The following KLC3 variants were observed in gnomAD, a reference collection of about 807,000 sequenced individuals.
KLC3 encodes the protein kinesin light chain 2.
KLC3 carries 72 observed loss-of-function variants against 62.9 expected under a neutral mutation model. That is an observed-to-expected ratio of 1.15 (90% CI 0.95 to 1.39). The LOEUF is 1.39. Among genes scored for constraint, KLC3 ranks in the 40% most tolerant of loss-of-function variants. The probability of loss-of-function intolerance (pLI) is 0.00; values close to 1 mark genes in which losing one functional copy is unlikely to be tolerated. For synonymous variants in KLC3, 377 were observed against 300.5 expected (o/e 1.25, Z -2.63); for missense variants, 848 against 691.6 (o/e 1.23, Z -2.54).
Position 45,341,776 on chromosome 19 carries a change from CGTGTGTGT to C in KLC3, c.-9+949_-9+956del, listed in dbSNP as rs3047585. The stretch of plus-strand genomic sequence containing the variant: ...GTGGAGGTGTGTGAAGCCGTGTGTG[CGTGTGTGT>C]GTGTGTGTGTGTGTGTGTAGAGAGG... On this transcript the variant is annotated intron_variant, in intron 1 of 12. Coordinates refer to ENST00000391946, the MANE Select transcript of KLC3 (RefSeq NM_177417.3). Among the ~76,000 whole-genome samples, 77 of 134,946 alleles carry C rather than the reference CGTGTGTGT, an allele frequency of 5.7e-4. 1 individual carries two copies. The East Asian group carries it at 9.6e-3, about 17-fold the overall frequency. 88.5% of individuals were successfully genotyped at this position (134,946 alleles called of 152,430 possible).
At position 45,351,446 on chromosome 19, in the gene KLC3, G is replaced by C. The variant is rs1290970152; in HGVS notation, c.*89G>C. 3.8e-6 allele frequency: 6 copies of C among 1,582,536 alleles called. No individual in the cohort carries two copies. The East Asian group carries it at 9.0e-5, about 24-fold the overall frequency. ...GTGAGAGGGGGTCTATCATCTCCTG[G>C]CCCCCCCTTGCCTCTGGGTACCTGG... On this transcript the variant is annotated 3_prime_UTR_variant, in exon 13 of 13. Coordinates refer to ENST00000391946, the MANE Select transcript of KLC3 (RefSeq NM_177417.3).
chr19:45,344,064 G>C (rs545869133), intron 1 of KLC3, among the ~76,000 whole-genome samples: 1 of 151,734 alleles, frequency 6.6e-6, no homozygotes, highest in African/African-American at 2.4e-5. Flanking sequence ...CTGGGCTCAA[G>C]TGATCCTCCT....
chr19:45,350,394 A>C lies in KLC3; in HGVS notation c.1197A>C (p.Lys399Asn). ...ATCAACAAGCGGAAGAGCTGTACAA[A>C]GAAATCCTCCACAAGGAGGACCTAC... ...NKYQQAEELY[K>N]EILHKEDLPA... is the part of the protein sequence containing the mutation. The change falls in exon 9 of 13, where the codon AAA becomes AAC. Residue 399 changes from lysine (K) to asparagine (N), a missense_variant. Physicochemically the swap from Lys to Asn is moderately conservative, Grantham distance 94. Transcript: ENST00000391946. The C allele has an allele frequency of 6.2e-7, 1 of 1,613,902 alleles. No individual in the cohort carries two copies. Among genetic ancestry groups the C allele is most frequent in the Non-Finnish European group, 8.5e-7 (1 of 1,179,976 alleles).
At chr19:45,344,181 CTG>C (rs899900283) in intron 1 of KLC3, among the ~76,000 whole-genome samples, 14 of 111,570 alleles carry the variant, frequency 1.3e-4, no homozygotes, top group African/African-American at 2.3e-4. Context: ...GTGTGTGTAA[CTG>C]TATTTCTGGG....
chr19:45,350,207 A>G (rs1209088559), intron 8 of KLC3, 134 bp from the exon 9 acceptor site: 1 of 659,892 alleles, frequency 1.5e-6, no homozygotes, highest in Non-Finnish European at 2.6e-6. Context: ...GGATCACTTG[A>G]GGCTAGGAGT....
intron 1 of KLC3, among the ~76,000 whole-genome samples, chr19:45,341,578 T>TGTGTGTGTGTGC: frequency 5.9e-4 from 83 of 139,900 alleles, no homozygotes; most frequent in African/African-American, 1.2e-3. Context: ...TGTGTGTGTG[T>TGTGTGTGTGTGC]GCGCGCGCGC....
chr19:45,343,167 T>G (rs1971425031), intron 1 of KLC3, among the ~76,000 whole-genome samples: 1 of 151,320 alleles, frequency 6.6e-6, no homozygotes, highest in Non-Finnish European at 1.5e-5. Flanking sequence ...CATCTGGAGG[T>G]GCGTTGGGCA....
intron 3 of KLC3, 185 bp downstream of exon 3, chr19:45,346,959 A>C: frequency 1.9e-6 from 1 of 527,820 alleles, no homozygotes; most frequent in East Asian, 3.1e-5. Context: ...CAGAACTTCC[A>C]CAGACGCCCC....
chr19:45,350,277 C>T lies in KLC3; in HGVS notation c.1144-64C>T, dbSNP rs916806190. 111 of 1,173,392 alleles carry T rather than the reference C, an allele frequency of 9.5e-5. 1 individual carries two copies. Among genetic ancestry groups the T allele is most frequent in the Admixed American group, 4.5e-4 (20 of 44,386 alleles). The allele number at this position is 1,173,392 out of a possible 1,614,324, so 72.7% of individuals were successfully genotyped here. On this transcript the variant is annotated intron_variant, in intron 8 of 12. Transcript: ENST00000391946. ...GTCTCTACAAAAAAAAAAAAAAAGGCGGGACTGGATGCAGTGTTGGGAACT... is the reference window on the plus strand; with the variant it reads ...GTCTCTACAAAAAAAAAAAAAAAGGTGGGACTGGATGCAGTGTTGGGAACT...
Position 45,348,807 on chromosome 19 carries a change from CCCAACCCCGCAGGTGGCCGCCA to C in KLC3, c.868-11_878del. 1.3e-6 allele frequency: 2 copies of C among 1,562,784 alleles called. No individual in the cohort carries two copies. ...CTGCCCATCCCTGACCTGTGCCTCC[CCCAACCCCGCAGGTGGCCGCCA>C]CGCTCAACAACTTGGCTGTCCTCTA... On this transcript the variant is annotated splice_acceptor_variant and splice_polypyrimidine_tract_variant and coding_sequence_variant and intron_variant, in exon 7 of 13. Coordinates refer to ENST00000391946, the MANE Select transcript of KLC3 (RefSeq NM_177417.3). LOFTEE classifies it high-confidence loss of function.
Position 45,351,024 on chromosome 19 carries a change from GGGACATCTGGGTCAAAAATAGAGGA to G in KLC3, c.1443+10_1443+34del. 1.2e-6 allele frequency: 2 copies of G among 1,614,138 alleles called. No individual in the cohort carries two copies. The highest frequency in any genetic ancestry group is 1.7e-6 in the Non-Finnish European group (2 of 1,180,030). On this transcript the variant is annotated splice_region_variant and intron_variant, in intron 12 of 12. Transcript: ENST00000391946. ...AAGGGCTCCTGGGACTCAGGTGAGG[GGGACATCTGGGTCAAAAATAGAGGA>G]GGCCATGTGGGTAGGTGCAGAGATG... is the stretch of plus-strand genomic sequence containing the variant.
chr19:45,349,416 C>T lies in KLC3; in HGVS notation c.970-13C>T. ...CTGTATGATCCCTCTGACTTGTGAC[C>T]CCTGGCCCCCAGGTCCTGGGTGCTG... On this transcript the variant is annotated splice_polypyrimidine_tract_variant and intron_variant, in intron 7 of 12. Coordinates refer to ENST00000391946, the MANE Select transcript of KLC3 (RefSeq NM_177417.3). 6.3e-7 allele frequency: 1 copy of T among 1,594,670 alleles called. No individual in the cohort carries two copies.
Position 45,346,577 on chromosome 19 carries a change from C to T in KLC3, c.292C>T (p.Leu98=). The T allele has an allele frequency of 6.5e-7, 1 of 1,547,552 alleles. No homozygotes were observed. Among genetic ancestry groups the T allele is most frequent in the Non-Finnish European group, 8.7e-7 (1 of 1,145,350 alleles). ...GGCCCTGTCGGCACATGTGGGTGCACTGGAGGCAGAGAAGCAGCGGCTGCG... is the reference window on the plus strand; with the variant it reads ...GGCCCTGTCGGCACATGTGGGTGCATTGGAGGCAGAGAAGCAGCGGCTGCG... ...LLALSAHVGA[L]EAEKQRLRSQ... is the part of the protein sequence containing the mutation. Residue 98 remains leucine, a synonymous_variant, in exon 3 of 13, where the codon CTG becomes TTG. Coordinates refer to ENST00000391946, the MANE Select transcript of KLC3 (RefSeq NM_177417.3).
chr19:45,349,717 G>T lies in KLC3; in HGVS notation c.1143+115G>T, dbSNP rs530560969. On this transcript the variant is annotated intron_variant, in intron 8 of 12. Coordinates refer to ENST00000391946, the MANE Select transcript of KLC3 (RefSeq NM_177417.3). ...AGGGTGGGGGGGGGCCCCCCAGGCCGGGCCCTTGGAGCAAGTGTCAGACAC... is the reference window on the plus strand; with the variant it reads ...AGGGTGGGGGGGGGCCCCCCAGGCCTGGCCCTTGGAGCAAGTGTCAGACAC... The T allele has an allele frequency of 4.7e-6, 5 of 1,056,838 alleles. No homozygotes were observed. In the Admixed American group the frequency reaches 8.9e-5, roughly 19 times the overall value. 65.5% of individuals were successfully genotyped at this position (1,056,838 alleles called of 1,614,324 possible).
intron 1 of KLC3, among the ~76,000 whole-genome samples, chr19:45,341,578 T>TGTGTGTGCGCGCGCGTGC: frequency 2.1e-5 from 3 of 139,800 alleles, no homozygotes; most frequent in Non-Finnish European, 4.7e-5. Context: ...TGTGTGTGTG[T>TGTGTGTGCGCGCGCGTGC]GCGCGCGCGC....
At position 45,347,931 on chromosome 19, in the gene KLC3, C is replaced by T. The variant is rs1971544934; in HGVS notation, c.560-10C>T. On this transcript the variant is annotated splice_polypyrimidine_tract_variant and intron_variant, in intron 4 of 12. Transcript: ENST00000391946. The stretch of plus-strand genomic sequence containing the variant: ...TTGCAGTGACCCAGAGCCCACCCCA[C>T]CCCACCTAGGTCCTGAGGCCGCAGG... The T allele has an allele frequency of 3.8e-6, 6 of 1,591,026 alleles. No homozygotes were observed. The highest frequency in any genetic ancestry group is 5.1e-6 in the Non-Finnish European group (6 of 1,167,726).
At chr19:45,341,246 C>T (rs1007886624) in intron 1 of KLC3, among the ~76,000 whole-genome samples, 1 of 145,684 alleles carries the variant, frequency 6.9e-6, no homozygotes, top group African/African-American at 2.6e-5. Context: ...GTGTGTCAGG[C>T]TGTGGGTATG....
At position 45,347,428 on chromosome 19, in the gene KLC3, C is replaced by G. The variant is rs763427371; in HGVS notation, c.490-19C>G. 4 of 1,605,650 alleles carry G rather than the reference C, an allele frequency of 2.5e-6. No individual in the cohort carries two copies. Among genetic ancestry groups the G allele is most frequent in the Non-Finnish European group, 1.7e-6 (2 of 1,175,510 alleles). On this transcript the variant is annotated intron_variant, in intron 3 of 12. Coordinates refer to ENST00000391946, the MANE Select transcript of KLC3 (RefSeq NM_177417.3). ...ACAAGCCCCCACCACCCCGGCCCCC[C>G]ACTTTCCTGTCTCTGCAGCAGTCTG...
intron 4 of KLC3, among the ~76,000 whole-genome samples, 196 bp from the exon 5 acceptor site, chr19:45,347,745 G>A (rs1162525045): frequency 2.0e-5 from 3 of 152,174 alleles, no homozygotes; most frequent in Non-Finnish European, 4.4e-5. Context: ...GGGCTGCCGT[G>A]TTCCTGTCCC....
Sources: allele counts gnomAD v4.1 joint callset (sites outside exome capture counted in the v4.1 genomes callset), GRCh38; gene constraint gnomAD v4.1.1; transcripts MANE v1.5; gene names NCBI Gene and HGNC (gene_info 2026-07-23, HGNC 2026-07-21).